Variants in SOX5 observed in about 807,000 individuals in gnomAD.
SOX5 encodes SRY-box transcription factor 5.
Under a neutral mutation model 92.0 loss-of-function variants are expected in SOX5, and 9 were observed. The ratio of observed to expected loss-of-function variants is 0.10; its 90% CI spans 0.06 to 0.17. The LOEUF is 0.17. Among genes scored for constraint, SOX5 ranks in the 10% least tolerant of loss-of-function variants. The pLI, the probability that SOX5 is intolerant of heterozygous loss-of-function variation, is 1.00. For missense variants in SOX5, 642 were observed against 944.5 expected (o/e 0.68, Z 4.20); for synonymous variants, 344 against 336.3 (o/e 1.02, Z -0.25).
In SOX5 at chr12:23,603,445, A is replaced by AATATATATATATATATATATAAAAT. The variant is rs2074795725; in HGVS notation, c.1164+941_1164+942insATTTTATATATATATATATATATAT. 8.0e-5 allele frequency among the ~76,000 whole-genome samples: 10 copies of AATATATATATATATATATATAAAAT among 124,852 alleles called. No homozygotes were observed. In the East Asian group the frequency reaches 1.1e-3, roughly 14 times the overall value. The allele number at this position is 124,852 out of a possible 152,430, so 81.9% of individuals were successfully genotyped here. Reference sequence around the variant, plus strand: ...TTCAGCAAAATAAATATATATATAAAATATATATATATATATATATATTTT... The same window carrying AATATATATATATATATATATAAAAT: ...TTCAGCAAAATAAATATATATATAAAATATATATATATATATATATAAAATATATATATATATATATATATATTTT... On this transcript the variant is annotated intron_variant, in intron 9 of 14. Coordinates refer to ENST00000451604, the MANE Select transcript of SOX5 (RefSeq NM_006940.6).
At chr12:23,719,084 T>C (rs775375644) in intron 6 of SOX5, among the ~76,000 whole-genome samples, 22 of 152,208 alleles carry the variant, frequency 1.4e-4, no homozygotes, top group Non-Finnish European at 2.4e-4. Context: ...CTCTTTAGTA[T>C]GAAAGTAACT....
At chr12:24,103,903 C>T (rs1174275096) in intron 4 of SOX5, among the ~76,000 whole-genome samples, 3 of 152,098 alleles carry the variant, frequency 2.0e-5, no homozygotes, top group African/African-American at 7.2e-5. Context: ...TCCTAGCCAG[C>T]ATATGTGAAG....
At chr12:23,874,570 C>T (rs765097231) in intron 2 of SOX5, among the ~76,000 whole-genome samples, 4 of 152,126 alleles carry the variant, frequency 2.6e-5, no homozygotes, top group East Asian at 1.9e-4. Flanking sequence ...ATAGAGACAT[C>T]GGAAATAGTA....
chr12:24,440,537 A>G (rs1940325212), intron 1 of SOX5, among the ~76,000 whole-genome samples: 1 of 151,850 alleles, frequency 6.6e-6, no homozygotes, highest in African/African-American at 2.4e-5. Context: ...CCTAGGAGCC[A>G]GGCTACCTGT....
rs80275220 is a variant in SOX5 at position 23,660,221 on chromosome 12, C to T, written c.931+5223G>A. Among the ~76,000 whole-genome samples, 677 of 152,290 alleles carry T rather than the reference C, an allele frequency of 4.4e-3. 4 individuals carry two copies. The highest frequency in any genetic ancestry group is 0.015 in the African/African-American group (627 of 41,564). On this transcript the variant is annotated intron_variant, in intron 7 of 14. Transcript: ENST00000451604. ...TCCTTTTTTCCTTTCAAAACAAGATCTGTATTTTGCTCGTACTACATTATC... is the reference window on the plus strand; with the variant it reads ...TCCTTTTTTCCTTTCAAAACAAGATTTGTATTTTGCTCGTACTACATTATC...
At chr12:23,960,778 A>G (rs1946844331) in intron 4 of SOX5, among the ~76,000 whole-genome samples, 3 of 151,952 alleles carry the variant, frequency 2.0e-5, no homozygotes, top group Non-Finnish European at 2.9e-5. Context: ...TTAGACATCA[A>G]ATTTCCTTTT....
intron 4 of SOX5, among the ~76,000 whole-genome samples, chr12:23,747,704 C>G (rs2094036696): frequency 6.6e-6 from 1 of 152,066 alleles, no homozygotes; most frequent in Non-Finnish European, 1.5e-5. Context: ...GTGGTCTTGC[C>G]TCCATCTTCT....
Position 23,705,184 on chromosome 12 carries a change from C to T in SOX5, c.810+29500G>A, listed in dbSNP as rs550022098. Among the ~76,000 whole-genome samples, 6 of 152,048 alleles carry T rather than the reference C, an allele frequency of 3.9e-5. No individual in the cohort carries two copies. In the South Asian group the frequency reaches 1.0e-3, roughly 26 times the overall value. Reference sequence around the variant, plus strand: ...CTAAATCTTGATAATAAAAGAAAGGCTGAGATTTAATGGAAGCTTGTTAGT... The same window carrying T: ...CTAAATCTTGATAATAAAAGAAAGGTTGAGATTTAATGGAAGCTTGTTAGT... On this transcript the variant is annotated intron_variant, in intron 6 of 14. Coordinates refer to ENST00000451604, the MANE Select transcript of SOX5 (RefSeq NM_006940.6).
At chr12:24,521,134 A>T (rs1950226714) in intron 1 of SOX5, among the ~76,000 whole-genome samples, 1 of 152,160 alleles carries the variant, frequency 6.6e-6, no homozygotes, top group African/African-American at 2.4e-5. Context: ...GGCTCACTGC[A>T]ACCTCCGCCT....
chr12:24,290,946 G>C (rs963602460), intron 2 of SOX5, among the ~76,000 whole-genome samples: 3 of 152,194 alleles, frequency 2.0e-5, no homozygotes, highest in African/African-American at 7.2e-5. Flanking sequence ...ACAGGGCTAA[G>C]TTCACATAGC....
At chr12:24,217,038 C>T (rs914186805) in intron 3 of SOX5, among the ~76,000 whole-genome samples, 3 of 152,194 alleles carry the variant, frequency 2.0e-5, no homozygotes, top group African/African-American at 7.2e-5. Flanking sequence ...GAAACTTGTG[C>T]TCCAGATTAT....
At chr12:23,694,369 A>G (rs940761854) in intron 6 of SOX5, among the ~76,000 whole-genome samples, 22 of 152,134 alleles carry the variant, frequency 1.4e-4, no homozygotes, top group African/African-American at 4.1e-4. Flanking sequence ...TAGGGCTCCA[A>G]TTATATATAT....
chr12:23,563,421 C>G lies in SOX5; in HGVS notation c.1343-18G>C. 6.2e-7 allele frequency: 1 copy of G among 1,609,870 alleles called. No individual in the cohort carries two copies. The highest frequency in any genetic ancestry group is 8.5e-7 in the Non-Finnish European group (1 of 1,177,796). ...TAAGTAACCTGAACATGAGACAGATCAAAGGATATCTTTTGTATAAAAGCA... is the reference window on the plus strand; with the variant it reads ...TAAGTAACCTGAACATGAGACAGATGAAAGGATATCTTTTGTATAAAAGCA... On this transcript the variant is annotated intron_variant, in intron 10 of 14. Coordinates refer to ENST00000451604, the MANE Select transcript of SOX5 (RefSeq NM_006940.6).
chr12:23,538,224 G>C (rs1182372742), intron 13 of SOX5, among the ~76,000 whole-genome samples: 1 of 152,086 alleles, frequency 6.6e-6, no homozygotes, highest in Non-Finnish European at 1.5e-5. Flanking sequence ...CTCAATATGG[G>C]CTGTTACATT....
chr12:24,329,333 G>T (rs1368122721), intron 2 of SOX5, among the ~76,000 whole-genome samples: 1 of 152,158 alleles, frequency 6.6e-6, no homozygotes, highest in East Asian at 1.9e-4. Context: ...GAAGGGGAAG[G>T]TATGTCTTAC....
upstream of SOX5, among the ~76,000 whole-genome samples, chr12:23,953,912 G>T (rs1198893138): frequency 1.3e-5 from 2 of 151,956 alleles, no homozygotes; most frequent in Non-Finnish European, 2.9e-5. Flanking sequence ...AGCTCATGTT[G>T]TTTCCATTGC....
At chr12:24,247,851 A>G (rs1939187680) in intron 3 of SOX5, among the ~76,000 whole-genome samples, 1 of 151,662 alleles carries the variant, frequency 6.6e-6, no homozygotes, top group South Asian at 2.1e-4. Flanking sequence ...ACGGGGTTTC[A>G]CCATGTTGCC....
intron 1 of SOX5, among the ~76,000 whole-genome samples, chr12:24,414,949 C>T: frequency 6.6e-6 from 1 of 152,134 alleles, no homozygotes; most frequent in Non-Finnish European, 1.5e-5. Flanking sequence ...GGAGGCATTT[C>T]TATAGCCAAT....
intron 1 of SOX5, among the ~76,000 whole-genome samples, chr12:23,934,771 T>A: frequency 6.6e-6 from 1 of 151,468 alleles, no homozygotes; most frequent in African/African-American, 2.4e-5. Flanking sequence ...AAATGATTTC[T>A]TATTGAAGCA....
Sources: allele counts gnomAD v4.1 joint callset (sites outside exome capture counted in the v4.1 genomes callset), GRCh38; gene constraint gnomAD v4.1.1; transcripts MANE v1.5; gene names NCBI Gene and HGNC (gene_info 2026-07-23, HGNC 2026-07-21).